Variants in ZSWIM5 observed in about 807,000 individuals in gnomAD.
The protein encoded by ZSWIM5 is zinc finger SWIM domain-containing protein 5.
A neutral mutation model predicts 119.6 loss-of-function variants in ZSWIM5; 55 were observed. That is an observed-to-expected ratio of 0.46 (90% CI 0.37 to 0.58). The LOEUF (loss-of-function observed/expected upper bound fraction) is 0.58, where lower values mean the gene tolerates loss of function less well. ZSWIM5 is among the 20% of genes least tolerant of loss of function. ZSWIM5 has a pLI of 0.00. For missense variants in ZSWIM5, 1,193 were observed against 1,512.8 expected (o/e 0.79, Z 3.51); for synonymous variants, 537 against 606.9 (o/e 0.88, Z 1.69).
At position 45,206,475 on chromosome 1, in the gene ZSWIM5, A is replaced by G; in HGVS notation, c.-125T>C. The G allele has an allele frequency of 8.4e-7, 1 of 1,190,756 alleles. No individual in the cohort carries two copies. 73.8% of individuals were successfully genotyped at this position (1,190,756 alleles called of 1,614,324 possible). A position where few individuals can be genotyped will look rare whatever the true frequency, so the allele number is the denominator to read the frequency against. ...GCGCCGAGGGGGGCGGGGCGAGAGA[A>G]CCCGCGAGCCAGCCGGCCCGAGTGG... On this transcript the variant is annotated 5_prime_UTR_variant, in exon 1 of 14. Coordinates refer to ENST00000359600, the MANE Select transcript of ZSWIM5 (RefSeq NM_020883.2).
chr1:45,168,978 T>A (rs903395362), intron 1 of ZSWIM5, among the ~76,000 whole-genome samples: 1 of 152,096 alleles, frequency 6.6e-6, no homozygotes, highest in Non-Finnish European at 1.5e-5. Flanking sequence ...ACTGAATTTG[T>A]GCTATCTGCT....
intron 1 of ZSWIM5, among the ~76,000 whole-genome samples, chr1:45,146,812 T>C (rs979335842): frequency 6.6e-6 from 1 of 152,142 alleles, no homozygotes; most frequent in African/African-American, 2.4e-5. Context: ...TACTTTCCTA[T>C]GAATATGCTT....
rs761734267 is a variant in ZSWIM5, at chr1:45,035,709, T to C, written c.2270A>G (p.Lys757Arg). The C allele has an allele frequency of 2.4e-5, 39 of 1,613,630 alleles. No homozygotes were observed. The South Asian group carries it at 4.2e-4, about 17-fold the overall frequency. The change falls in exon 10 of 14, where the codon AAA (lysine) becomes AGA (arginine). Residue 757 changes from lysine (K) to arginine (R), a missense_variant. Transcript: ENST00000359600. ...CCACCTCATGGCACGTAAGGCTAAT[T>C]TATAGGACAGGTCTGGATCATGAGG... ...LLPHDPDLSY[K>R]LALRAMRLPV... is the part of the protein sequence containing the mutation.
chr1:45,136,141 G>A (rs138070475), intron 1 of ZSWIM5, among the ~76,000 whole-genome samples: 59 of 152,196 alleles, frequency 3.9e-4, no homozygotes, highest in African/African-American at 1.3e-3. Flanking sequence ...GATTACAGGC[G>A]TGAGCCACTG....
chr1:45,047,898 AG>A (rs1645064800), intron 5 of ZSWIM5, among the ~76,000 whole-genome samples: 1 of 152,116 alleles, frequency 6.6e-6, no homozygotes, highest in South Asian at 2.1e-4. Flanking sequence ...TTTAGGAAAA[AG>A]ATGGTGTGAA....
At chr1:45,189,095 A>T (rs2149052314) in intron 1 of ZSWIM5, among the ~76,000 whole-genome samples, 1 of 152,286 alleles carries the variant, frequency 6.6e-6, no homozygotes, top group South Asian at 2.1e-4. Context: ...TGGGCAGATC[A>T]CCTGAGGTCA....
Position 45,074,875 on chromosome 1 carries a change from C to T in ZSWIM5, c.952+13006G>A, listed in dbSNP as rs111644731. 9.7e-3 allele frequency among the ~76,000 whole-genome samples: 1,474 copies of T among 151,904 alleles called. 19 individuals carry two copies. The highest frequency in any genetic ancestry group is 0.013 in the Non-Finnish European group (885 of 67,982). ...ATAGCTATACATTTCCCTCTTAGTA[C>T]TGCTTTTGCTGTATCCCATAGGTTT... On this transcript the variant is annotated intron_variant, in intron 2 of 13. Coordinates refer to ENST00000359600, the MANE Select transcript of ZSWIM5 (RefSeq NM_020883.2).
In ZSWIM5 at chr1:45,159,692, G is replaced by A. The variant is rs141732361; in HGVS notation, c.595+46064C>T. 4.5e-4 allele frequency among the ~76,000 whole-genome samples: 69 copies of A among 152,018 alleles called. 1 individual carries two copies. Among genetic ancestry groups the A allele is most frequent in the African/African-American group, 1.5e-3 (64 of 41,448 alleles). On this transcript the variant is annotated intron_variant, in intron 1 of 13. Coordinates refer to ENST00000359600, the MANE Select transcript of ZSWIM5 (RefSeq NM_020883.2). ...CAACCTCTGCCTCCTGGGTTCAAGCGCTTCTCCTGCCTCAGCCTCCCGAGT... is the reference window on the plus strand; with the variant it reads ...CAACCTCTGCCTCCTGGGTTCAAGCACTTCTCCTGCCTCAGCCTCCCGAGT...
chr1:45,036,539 GA>G (rs575767715), intron 8 of ZSWIM5, among the ~76,000 whole-genome samples: 154 of 151,996 alleles, frequency 1.0e-3, no homozygotes, highest in African/African-American at 3.4e-3. Context: ...ATTTTTAGTA[GA>G]GGGGCGGTTT....
rs554404002 is a variant in ZSWIM5, at chr1:45,167,101, C to A, written c.595+38655G>T. 1.2e-3 allele frequency among the ~76,000 whole-genome samples: 186 copies of A among 152,196 alleles called. 4 individuals are homozygous for A. Among genetic ancestry groups the A allele is most frequent in the Admixed American group, 2.5e-3 (38 of 15,266 alleles). ...TACAAGGCTACAGTAACCAAAATAG[C>A]ATGGTACTGGTACCAAAACAGAGAT... On this transcript the variant is annotated intron_variant, in intron 1 of 13. Transcript: ENST00000359600.
At chr1:45,193,860 T>C (rs553478809) in intron 1 of ZSWIM5, among the ~76,000 whole-genome samples, 1 of 152,128 alleles carries the variant, frequency 6.6e-6, no homozygotes, top group Admixed American at 6.5e-5. Flanking sequence ...CCTTTTACAG[T>C]TGAAAAAACT....
intron 1 of ZSWIM5, among the ~76,000 whole-genome samples, chr1:45,092,750 A>G (rs1386884751): frequency 6.6e-6 from 1 of 152,224 alleles, no homozygotes; most frequent in African/African-American, 2.4e-5. Flanking sequence ...ATTATCCTCA[A>G]TTATGTGGGT....
intron 2 of ZSWIM5, among the ~76,000 whole-genome samples, chr1:45,068,789 T>C (rs35746804): frequency 7.2e-6 from 1 of 139,406 alleles, no homozygotes; most frequent in Non-Finnish European, 1.5e-5. Flanking sequence ...TGCTGTTGTA[T>C]GTCTTTTTTT....
rs113281458 is a variant in ZSWIM5, at chr1:45,115,846, G to C, written c.596-27609C>G. Among the ~76,000 whole-genome samples the C allele has an allele frequency of 6.4e-3, 970 of 152,308 alleles. 12 individuals carry two copies. The highest frequency in any genetic ancestry group is 0.022 in the African/African-American group (926 of 41,570). On this transcript the variant is annotated intron_variant, in intron 1 of 13. Coordinates refer to ENST00000359600, the MANE Select transcript of ZSWIM5 (RefSeq NM_020883.2). ...CAGAGACACTCCTCACTTCCCAGAC[G>C]GGGTGGCGGCCGGGCAGAGGCTGCA...
At chr1:45,187,834 C>T (rs1480772331) in intron 1 of ZSWIM5, among the ~76,000 whole-genome samples, 1 of 152,044 alleles carries the variant, frequency 6.6e-6, no homozygotes, top group African/African-American at 2.4e-5. Flanking sequence ...CCAATACACA[C>T]ATGAAAAGAT....
intron 2 of ZSWIM5, among the ~76,000 whole-genome samples, chr1:45,079,642 G>C (rs1240450792): frequency 6.6e-6 from 1 of 152,186 alleles, no homozygotes; most frequent in Non-Finnish European, 1.5e-5. Context: ...TAAGGTGCAA[G>C]ACAAAGTCCC....
intron 1 of ZSWIM5, among the ~76,000 whole-genome samples, chr1:45,105,560 C>A (rs1296346363): frequency 2.7e-5 from 4 of 150,126 alleles, no homozygotes; most frequent in Non-Finnish European, 5.9e-5. Flanking sequence ...TGCCCGGCTG[C>A]CCCGAATGGG....
chr1:45,070,860 T>C (rs955236831), intron 2 of ZSWIM5, among the ~76,000 whole-genome samples: 1 of 152,246 alleles, frequency 6.6e-6, no homozygotes, highest in African/African-American at 2.4e-5. Flanking sequence ...TTATAGAACA[T>C]TGATTATTTT....
chr1:45,097,611 T>TA (rs1557764729), intron 1 of ZSWIM5, among the ~76,000 whole-genome samples: 1 of 152,242 alleles, frequency 6.6e-6, no homozygotes, highest in African/African-American at 2.4e-5. Flanking sequence ...GAAATTATTA[T>TA]AAAATGATCA....
Sources: allele counts gnomAD v4.1 joint callset (sites outside exome capture counted in the v4.1 genomes callset), GRCh38; gene constraint gnomAD v4.1.1; transcripts MANE v1.5; gene names NCBI Gene and HGNC (gene_info 2026-07-23, HGNC 2026-07-21).